The following PYGM variants were observed in gnomAD, a reference collection of about 807,000 sequenced individuals.
PYGM encodes glycogen phosphorylase, muscle form.
A neutral mutation model predicts 99.3 loss-of-function variants in PYGM; 81 were observed. That is an observed-to-expected ratio of 0.82 (90% CI 0.68 to 0.98). PYGM has a LOEUF of 0.98. Among genes scored for constraint, PYGM ranks in the 50% least tolerant of loss-of-function variants. PYGM has a pLI of 0.00. For missense variants in PYGM, 1,030 were observed against 1,158.1 expected, an observed-to-expected ratio of 0.89 and a Z score of 1.61; for synonymous variants, 436 against 451.5, an observed-to-expected ratio of 0.97 and a Z score of 0.44.
chr11:64,753,308 G>T, intron 11 of PYGM, 121 bp from the exon 12 acceptor site: 8 of 1,226,012 alleles, frequency 6.5e-6, no homozygotes, highest in Non-Finnish European at 9.6e-6. Context: ...CAGACCTGGG[G>T]AAGGTTGGGG....
intron 18 of PYGM, 41 bp from the exon 19 acceptor site, chr11:64,747,028 G>A (rs772165549): frequency 1.9e-6 from 3 of 1,605,878 alleles, no homozygotes; most frequent in South Asian, 2.2e-5. Context: ...CCTTTAGGGG[G>A]CTAGGATAAG....
chr11:64,746,851 T>C (rs1592404812), intron 19 of PYGM, 43 bp from the exon 20 acceptor site: 1 of 1,614,086 alleles, frequency 6.2e-7, no homozygotes, highest in East Asian at 2.2e-5. Context: ...GCTGGCAGGA[T>C]CTCCACCTTC....
At chr11:64,758,792 C>T (rs1338644844) in intron 1 of PYGM, 88 bp from the exon 2 acceptor site, 9 of 1,193,146 alleles carry the variant, frequency 7.5e-6, no homozygotes, top group African/African-American at 4.5e-5. Flanking sequence ...ACCTCTGGCC[C>T]GCCTGCCCTG....
rs1434497594 is a variant in PYGM, at chr11:64,755,860, C to A, written c.661-302G>T. On this transcript the variant is annotated intron_variant, in intron 5 of 19. Transcript: ENST00000164139. The surrounding 1 kb of genome is among the most constrained non-coding windows in gnomAD (Gnocchi z 4.1). The stretch of plus-strand genomic sequence containing the variant: ...AGGAGGGGCTCTGTTGGCGACCACT[C>A]TGCAGCAATGGGGGCTGGGCTGGCC... Among the ~76,000 whole-genome samples, 1 of 152,116 alleles carries A rather than the reference C, an allele frequency of 6.6e-6. No homozygotes were observed. Among genetic ancestry groups the A allele is most frequent in the African/African-American group, 2.4e-5 (1 of 41,428 alleles).
At chr11:64,760,071 G>T, upstream of PYGM, 2 of 1,059,450 alleles carry the variant, frequency 1.9e-6, no homozygotes, top group Non-Finnish European at 2.7e-6. Context: ...AGCTCAGGGA[G>T]CTATTTTGAG....
chr11:64,753,592 G>T lies in PYGM; in HGVS notation c.1330C>A (p.His444Asn). 6.2e-7 allele frequency: 1 copy of T among 1,607,982 alleles called. No homozygotes were observed. Among genetic ancestry groups the T allele is most frequent in the Non-Finnish European group, 8.5e-7 (1 of 1,178,952 alleles). Residue 444 changes from histidine (H) to asparagine (N), a missense_variant, in exon 11 of 20, where the codon CAC becomes AAC. By Grantham distance (68) the His-to-Asn change is moderately conservative. Coordinates refer to ENST00000164139, the MANE Select transcript of PYGM (RefSeq NM_005609.4). ...EGAVKRINMA[H>N]LCIAGSHAVN... ...GCGTGCGACCCCGCGATGCACAGGT[G>T]TGCCATGTTGATGCGCTTCACTGCG...
In PYGM at chr11:64,756,973, A is replaced by G. The variant is rs574434053; in HGVS notation, c.660+806T>C. Reference sequence around the variant, plus strand: ...CACCAGCACCCTGGCTAATTTTTTAAATTTTTTTTTTGAGACGAGGTCTGG... The same window carrying G: ...CACCAGCACCCTGGCTAATTTTTTAGATTTTTTTTTTGAGACGAGGTCTGG... On this transcript the variant is annotated intron_variant, in intron 5 of 19. Transcript: ENST00000164139. 7.3e-5 allele frequency among the ~76,000 whole-genome samples: 11 copies of G among 151,492 alleles called. No homozygotes were observed. The South Asian group carries it at 2.3e-3, about 32-fold the overall frequency.
At position 64,755,610 on chromosome 11, in the gene PYGM, T is replaced by A. The variant is rs2058389617; in HGVS notation, c.661-52A>T. On this transcript the variant is annotated intron_variant, in intron 5 of 19. Coordinates refer to ENST00000164139, the MANE Select transcript of PYGM (RefSeq NM_005609.4). This position sits in a 1 kb window ranked among gnomAD's most constrained non-coding sequence, Gnocchi z 4.1. ...TGGCCAGCCCTGGCAATTGCCTCCC[T>A]CCCCTCAGGGCTGGGACTCAAGGCT... 2.8e-6 allele frequency: 4 copies of A among 1,409,234 alleles called. No individual in the cohort carries two copies. The highest frequency in any genetic ancestry group is 1.2e-5 in the South Asian group (1 of 85,712). 87.3% of individuals were successfully genotyped at this position (1,409,234 alleles called of 1,614,324 possible).
intron 17 of PYGM, among the ~76,000 whole-genome samples, chr11:64,749,647 A>C (rs1423454468): frequency 6.6e-6 from 1 of 151,860 alleles, no homozygotes; most frequent in African/African-American, 2.4e-5. Context: ...GTCTCAAAAA[A>C]AAAAATACAT....
intron 12 of PYGM, 95 bp from the exon 13 acceptor site, chr11:64,752,599 C>A (rs2058364553): frequency 3.1e-6 from 4 of 1,290,840 alleles, no homozygotes; most frequent in African/African-American, 1.5e-5. Flanking sequence ...GCCCCCTTCA[C>A]CCAGCAGGCT....
chr11:64,757,512 G>A (rs2058401309), intron 5 of PYGM, among the ~76,000 whole-genome samples: 1 of 152,164 alleles, frequency 6.6e-6, no homozygotes, highest in South Asian at 2.1e-4. Context: ...TAAATCTCAT[G>A]GTGTGGAGTG....
At chr11:64,749,356 C>T (rs1277889829) in intron 17 of PYGM, among the ~76,000 whole-genome samples, 1 of 132,032 alleles carries the variant, frequency 7.6e-6, no homozygotes, top group Non-Finnish European at 1.6e-5. Flanking sequence ...CAAAACAAAA[C>T]AAAAGGCCGG....
rs754536168 is a variant in PYGM at position 64,755,541 on chromosome 11, G to C, written c.678C>G (p.Pro226=). The stretch of plus-strand genomic sequence containing the variant: ...GATAGCCAGGCACGGGCGTATCGTA[G>C]GGCATGGCCAGTACCACCTGCGGGG... ...WVDTQVVLAM[P]YDTPVPGYRN... The change falls in exon 6 of 20, where the codon CCC becomes CCG. Residue 226 remains proline, a synonymous_variant. Transcript: ENST00000164139. This position sits in a 1 kb window ranked among gnomAD's most constrained non-coding sequence, Gnocchi z 4.1. 6.2e-7 allele frequency: 1 copy of C among 1,614,054 alleles called. No individual in the cohort carries two copies. Among genetic ancestry groups the C allele is most frequent in the Non-Finnish European group, 8.5e-7 (1 of 1,179,966 alleles).
rs769889481 is a variant in PYGM at position 64,752,429 on chromosome 11, T to C, written c.1594A>G (p.Ile532Val). The change falls in exon 13 of 20, where the codon ATT becomes GTT. Residue 532 changes from isoleucine to valine, a missense_variant. By Grantham distance (29) the Ile-to-Val change is conservative. Transcript: ENST00000164139. ...LLSFVDDEAF[I>V]RDVAKVKQEN... ...TGCTTCACTTTGGCCACATCCCGAA[T>C]GAAAGCTTCATCATCCACAAAGGAG... is the stretch of plus-strand genomic sequence containing the variant. 9.9e-6 allele frequency: 16 copies of C among 1,614,214 alleles called. No homozygotes were observed. Among genetic ancestry groups the C allele is most frequent in the Non-Finnish European group, 1.4e-5 (16 of 1,180,008 alleles).
chr11:64,754,904 G>T lies in PYGM; in HGVS notation c.856-68C>A, dbSNP rs2058384396. 3.8e-6 allele frequency: 6 copies of T among 1,590,746 alleles called. No homozygotes were observed. Among genetic ancestry groups the T allele is most frequent in the Non-Finnish European group, 5.1e-6 (6 of 1,169,454 alleles). On this transcript the variant is annotated intron_variant, in intron 7 of 19. Coordinates refer to ENST00000164139, the MANE Select transcript of PYGM (RefSeq NM_005609.4). This position sits in a 1 kb window ranked among gnomAD's most constrained non-coding sequence, Gnocchi z 5.5. ...ATGGCCTAAAGCTGCGGTGGGTGTG[G>T]CCAGGAGGGACTCCCACCCATACCG...
intron 10 of PYGM, 39 bp downstream of exon 10, chr11:64,753,840 C>T (rs547254688): frequency 2.5e-4 from 385 of 1,550,952 alleles, no homozygotes; most frequent in Non-Finnish European, 3.2e-4. Context: ...TGGGTGTCCC[C>T]CCTCACCCCC....
Position 64,759,686 on chromosome 11 carries a change from C to T in PYGM, c.213G>A (p.Thr71=), listed in dbSNP as rs771239946. The change falls in exon 1 of 20, where the codon ACG becomes ACA. Residue 71 remains threonine (T), a synonymous_variant. Coordinates refer to ENST00000164139, the MANE Select transcript of PYGM (RefSeq NM_005609.4). ...RDHLVGRWIR[T]QQHYYEKDPK... ...GGTCCTTCTCATAGTAGTGCTGCTG[C>T]GTGCGGATCCAGCGCCCCACGAGGT... is the stretch of plus-strand genomic sequence containing the variant. 67 of 1,613,970 alleles carry T rather than the reference C, an allele frequency of 4.2e-5. No homozygotes were observed. The highest frequency in any genetic ancestry group is 5.3e-5 in the African/African-American group (4 of 74,928).
In PYGM at chr11:64,754,177, C is replaced by T. The variant is rs2058378535; in HGVS notation, c.1092+76G>A. On this transcript the variant is annotated intron_variant, in intron 9 of 19. Coordinates refer to ENST00000164139, the MANE Select transcript of PYGM (RefSeq NM_005609.4). This position sits in a 1 kb window ranked among gnomAD's most constrained non-coding sequence, Gnocchi z 5.5. ...CTGATCCCTTCACTCCATTCATATC[C>T]TCCCACGCTCCCAAACTGGGAAGGG... is the stretch of plus-strand genomic sequence containing the variant. 3 of 1,577,538 alleles carry T rather than the reference C, an allele frequency of 1.9e-6. No homozygotes were observed. The South Asian group carries it at 3.3e-5, about 17-fold the overall frequency.
chr11:64,759,576 G>A lies in PYGM; in HGVS notation c.243+80C>T, dbSNP rs899486589. 6 of 1,592,642 alleles carry A rather than the reference G, an allele frequency of 3.8e-6. No individual in the cohort carries two copies. In the South Asian group the frequency reaches 4.4e-5, roughly 12 times the overall value. ...CCCCCAAGAACCTAGAGTGACGAGG[G>A]GCAGCCACTTAAGTCAAGATCGCCA... On this transcript the variant is annotated intron_variant, in intron 1 of 19. Coordinates refer to ENST00000164139, the MANE Select transcript of PYGM (RefSeq NM_005609.4).
Sources: allele counts gnomAD v4.1 joint callset (sites outside exome capture counted in the v4.1 genomes callset), GRCh38; gene constraint gnomAD v4.1.1; non-coding constraint Gnocchi (gnomAD v3.1); transcripts MANE v1.5; gene names NCBI Gene and HGNC (gene_info 2026-07-23, HGNC 2026-07-21).